Variants in ANO6 observed in about 807,000 individuals in gnomAD.
ANO6 encodes anoctamin-6.
Under a neutral mutation model 117.5 loss-of-function variants are expected in ANO6, and 106 were observed. The ratio of observed to expected loss-of-function variants is 0.90; its 90% CI spans 0.77 to 1.06. The LOEUF is 1.06. Ranked by LOEUF, ANO6 falls within the 50% of genes least tolerant of loss-of-function variation. The probability of loss-of-function intolerance (pLI) is 0.00; values close to 1 mark genes in which losing one functional copy is unlikely to be tolerated. For synonymous variants in ANO6, 367 were observed against 385.1 expected (o/e 0.95, Z 0.55); for missense variants, 955 against 1,121.1 (o/e 0.85, Z 2.12).
intron 19 of ANO6, among the ~76,000 whole-genome samples, chr12:45,428,074 T>C (rs192531709): frequency 4.6e-5 from 7 of 152,238 alleles, no homozygotes; most frequent in Admixed American, 4.6e-4. Flanking sequence ...AACATTCACA[T>C]GACATAGAGT....
At position 45,244,176 on chromosome 12, in the gene ANO6, G is replaced by A. The variant is rs192523258; in HGVS notation, c.70+27785G>A. Among the ~76,000 whole-genome samples, 55 of 152,146 alleles carry A rather than the reference G, an allele frequency of 3.6e-4. No individual in the cohort carries two copies. In the East Asian group the frequency reaches 0.01, roughly 28 times the overall value. On this transcript the variant is annotated intron_variant, in intron 1 of 19. Coordinates refer to ENST00000320560, the MANE Select transcript of ANO6 (RefSeq NM_001025356.3). ...TTCAGTTCATGTTCTTGTGATTGTC[G>A]CCTTATTTTTGTTGTAACCAAAAGA... is the stretch of plus-strand genomic sequence containing the variant.
At chr12:45,295,502 C>A (rs954692692) in intron 1 of ANO6, among the ~76,000 whole-genome samples, 1 of 152,100 alleles carries the variant, frequency 6.6e-6, no homozygotes, top group Non-Finnish European at 1.5e-5. Context: ...CATGAAGCGA[C>A]GGGAAATGGT....
intron 1 of ANO6, among the ~76,000 whole-genome samples, chr12:45,289,658 TTTC>T (rs1939032030): frequency 6.6e-6 from 1 of 152,242 alleles, no homozygotes; most frequent in Non-Finnish European, 1.5e-5. Flanking sequence ...TAGGATTTAC[TTTC>T]TGAGTTAGAG....
intron 1 of ANO6, among the ~76,000 whole-genome samples, chr12:45,244,011 CTAAG>C (rs1370414646): frequency 6.6e-6 from 1 of 152,160 alleles, no homozygotes; most frequent in Non-Finnish European, 1.5e-5. Context: ...GGAAATTATA[CTAAG>C]GGCTGTTTAC....
intron 8 of ANO6, among the ~76,000 whole-genome samples, chr12:45,358,783 C>CT (rs397688092): frequency 0.035 from 5,036 of 142,712 alleles, 229 homozygotes; most frequent in African/African-American, 0.11. Context: ...TATGTCCCTC[C>CT]TTTTTTTTTT....
Position 45,378,118 on chromosome 12 carries a change from G to GTTT in ANO6, c.1165+19_1165+21dup, listed in dbSNP as rs36059278. 1.9e-4 allele frequency: 287 copies of GTTT among 1,499,568 alleles called. No individual in the cohort carries two copies. Among genetic ancestry groups the GTTT allele is most frequent in the Middle Eastern group, 7.3e-4 (4 of 5,466 alleles). 92.9% of individuals were successfully genotyped at this position (1,499,568 alleles called of 1,614,324 possible). Reference sequence around the variant, plus strand: ...CAGTATTTATGGGAGTATGGGGTAAGTTTTTTTTTTTTTTTTCATGCACTC... The same window carrying GTTT: ...CAGTATTTATGGGAGTATGGGGTAAGTTTTTTTTTTTTTTTTTTTCATGCACTC... On this transcript the variant is annotated splice_donor_region_variant and intron_variant, in intron 10 of 19. Transcript: ENST00000320560.
rs769297459 is a variant in ANO6, at chr12:45,429,285, A to T, written c.2707A>T (p.Asn903Tyr). Reference sequence around the variant, plus strand: ...TGAGCGGATGATAGAAGCAGTAGATAACAATTTACGGCCAAAATCAGAATA... The same window carrying T: ...TGAGCGGATGATAGAAGCAGTAGATTACAATTTACGGCCAAAATCAGAATA... ...IAERMIEAVDNNLRPKSE is the reference protein window; with the variant it reads ...IAERMIEAVDYNLRPKSE Residue 903 changes from asparagine to tyrosine, a missense_variant, in exon 20 of 20, where the codon AAC becomes TAC. By Grantham distance (143) the Asn-to-Tyr change is moderately radical (BLOSUM62 -2). Transcript: ENST00000320560. The T allele has an allele frequency of 6.2e-7, 1 of 1,613,730 alleles. No homozygotes were observed. The highest frequency in any genetic ancestry group is 1.1e-5 in the South Asian group (1 of 91,074).
intron 2 of ANO6, among the ~76,000 whole-genome samples, chr12:45,323,841 T>G (rs1481877604): frequency 2.3e-5 from 2 of 86,154 alleles, no homozygotes; most frequent in African/African-American, 7.4e-5. Context: ...ATATCCTCTT[T>G]TAAGAGAGTT....
intron 1 of ANO6, among the ~76,000 whole-genome samples, chr12:45,223,724 T>C (rs770380706): frequency 1.2e-4 from 19 of 152,216 alleles, no homozygotes; most frequent in Non-Finnish European, 2.6e-4. Context: ...ATGCAAAATA[T>C]CTTAAATATT....
At chr12:45,266,932 C>T (rs1938238042) in intron 1 of ANO6, among the ~76,000 whole-genome samples, 1 of 151,826 alleles carries the variant, frequency 6.6e-6, no homozygotes, top group South Asian at 2.1e-4. Context: ...AGCCACTTAA[C>T]AGGGTGAACA....
chr12:45,405,548 G>A (rs558039776), intron 15 of ANO6, among the ~76,000 whole-genome samples: 5 of 152,280 alleles, frequency 3.3e-5, no homozygotes, highest in Non-Finnish European at 5.9e-5. Flanking sequence ...ATTAGAGAGT[G>A]ACTGGTGCTG....
chr12:45,261,262 C>T (rs1938023124), intron 1 of ANO6, among the ~76,000 whole-genome samples: 2 of 152,182 alleles, frequency 1.3e-5, no homozygotes, highest in African/African-American at 4.8e-5. Context: ...AGGAGTGAAA[C>T]TCGAAAAGGA....
chr12:45,240,863 A>G (rs1947731508), intron 1 of ANO6, among the ~76,000 whole-genome samples: 1 of 152,168 alleles, frequency 6.6e-6, no homozygotes, highest in Non-Finnish European at 1.5e-5. Flanking sequence ...TTCTTTAACA[A>G]TGTTGAATAT....
At chr12:45,374,619 T>C (rs1941949995) in intron 9 of ANO6, among the ~76,000 whole-genome samples, 1 of 122,722 alleles carries the variant, frequency 8.1e-6, no homozygotes, top group East Asian at 2.5e-4. Flanking sequence ...ATTATCTCAA[T>C]AGATGCAGAA....
At chr12:45,282,019 A>G (rs540270782) in intron 1 of ANO6, among the ~76,000 whole-genome samples, 5 of 152,308 alleles carry the variant, frequency 3.3e-5, no homozygotes, top group East Asian at 1.9e-4. Flanking sequence ...CTTCAGCACC[A>G]TAGGAGAGTG....
chr12:45,421,102 T>A lies in ANO6; in HGVS notation c.2249T>A (p.Ile750Asn), dbSNP rs1210424066. The change falls in exon 18 of 20, where the codon ATC becomes AAC. Residue 750 changes from isoleucine to asparagine, a missense_variant. Transcript: ENST00000320560. Reference sequence around the variant, plus strand: ...ATCATAGCTTTCACGTCGGACATGATCCCCCGCCTAGTGTACTACTGGTCC... The same window carrying A: ...ATCATAGCTTTCACGTCGGACATGAACCCCCGCCTAGTGTACTACTGGTCC... The part of the protein sequence containing the change: ...AMIIAFTSDM[I>N]PRLVYYWSFS... 1 of 1,614,170 alleles carries A rather than the reference T, an allele frequency of 6.2e-7. No homozygotes were observed.
chr12:45,360,034 T>C (rs1322680400), intron 8 of ANO6, among the ~76,000 whole-genome samples: 1 of 152,224 alleles, frequency 6.6e-6, no homozygotes, highest in Non-Finnish European at 1.5e-5. Context: ...GAGCATCTTC[T>C]CATGTGTTTG....
At chr12:45,373,372 C>G (rs1228521195) in intron 9 of ANO6, among the ~76,000 whole-genome samples, 1 of 151,472 alleles carries the variant, frequency 6.6e-6, no homozygotes, top group African/African-American at 2.4e-5. Context: ...TAATAGACAT[C>G]TACAGAATTC....
chr12:45,314,847 A>G (rs146966494), intron 2 of ANO6, among the ~76,000 whole-genome samples: 1 of 152,208 alleles, frequency 6.6e-6, no homozygotes, highest in East Asian at 1.9e-4. Flanking sequence ...TGCATAATAA[A>G]TGAGTACCAT....
Sources: gnomAD v4.1 joint callset for allele counts (sites outside exome capture counted in the v4.1 genomes callset) on GRCh38, gnomAD v4.1.1 for gene constraint, MANE v1.5 for transcripts, NCBI Gene and HGNC (gene_info 2026-07-23, HGNC 2026-07-21) for gene names.